DDX10: variants seen among roughly 807,000 people sequenced by gnomAD.
DDX10 encodes the protein probable ATP-dependent RNA helicase DDX10.
In DDX10, 74 loss-of-function variants were observed where a neutral mutation model predicts 104.3. The observed-to-expected ratio is 0.71, with a 90% confidence interval of 0.59 to 0.86. The LOEUF is 0.86. DDX10 is among the 40% of genes least tolerant of loss of function. The pLI, the probability that DDX10 is intolerant of heterozygous loss-of-function variation, is 0.00. For missense variants in DDX10, 952 were observed against 1,040.0 expected (o/e 0.92, Z 1.16); for synonymous variants, 351 against 353.4 (o/e 0.99, Z 0.08).
chr11:108,823,156 C>T (rs1259222397), intron 13 of DDX10, among the ~76,000 whole-genome samples: 1 of 152,178 alleles, frequency 6.6e-6, no homozygotes, highest in Admixed American at 6.5e-5. Flanking sequence ...TTGCACACCA[C>T]AGTTTTACAA....
intron 16 of DDX10, among the ~76,000 whole-genome samples, chr11:108,888,489 T>G (rs1345628555): frequency 6.6e-6 from 1 of 152,184 alleles, no homozygotes; most frequent in Non-Finnish European, 1.5e-5. Flanking sequence ...CATATGCCAT[T>G]TGCTTCCTAT....
chr11:108,676,980 C>CTGCT, intron 3 of DDX10, 105 bp from the exon 4 acceptor site: 2 of 1,020,510 alleles, frequency 2.0e-6, no homozygotes, highest in Non-Finnish European at 2.9e-6. Context: ...AGTGGTATGC[C>CTGCT]TTCTGCTTGG....
chr11:108,906,732 G>A (rs191981407), intron 16 of DDX10, among the ~76,000 whole-genome samples: 1 of 152,142 alleles, frequency 6.6e-6, no homozygotes, highest in Admixed American at 6.5e-5. Context: ...TGATCAATAA[G>A]ATGCACCATT....
At chr11:108,904,218 C>T (rs1378338025) in intron 16 of DDX10, among the ~76,000 whole-genome samples, 1 of 152,028 alleles carries the variant, frequency 6.6e-6, no homozygotes, top group Admixed American at 6.6e-5. Flanking sequence ...TCAACAGAAG[C>T]GACTGAGGCC....
chr11:108,751,504 T>C (rs1298069140), intron 13 of DDX10, among the ~76,000 whole-genome samples: 1 of 152,064 alleles, frequency 6.6e-6, no homozygotes, highest in African/African-American at 2.4e-5. Flanking sequence ...GTGGGAGGGG[T>C]CCATAAATGT....
chr11:108,799,614 G>A (rs928188389), intron 13 of DDX10, among the ~76,000 whole-genome samples: 3 of 152,202 alleles, frequency 2.0e-5, no homozygotes, highest in Non-Finnish European at 2.9e-5. Context: ...AGGGCATTAA[G>A]TGTTCATTTT....
chr11:108,824,664 C>G, intron 13 of DDX10, among the ~76,000 whole-genome samples: 1 of 152,070 alleles, frequency 6.6e-6, no homozygotes, highest in Non-Finnish European at 1.5e-5. Context: ...TGCTTGCTTC[C>G]TAATATAGAA....
intron 10 of DDX10, among the ~76,000 whole-genome samples, chr11:108,707,722 AG>A (rs1450788850): frequency 3.3e-5 from 5 of 152,232 alleles, no homozygotes; most frequent in South Asian, 2.1e-4. Flanking sequence ...GGTTAAAGAT[AG>A]ATCAAGAAGA....
At chr11:108,933,435 A>G (rs186856216) in intron 17 of DDX10, among the ~76,000 whole-genome samples, 37 of 152,316 alleles carry the variant, frequency 2.4e-4, no homozygotes, top group Non-Finnish European at 4.6e-4. Context: ...TATCTTTGTC[A>G]GTACTTCATT....
At chr11:108,730,333 A>G (rs187462529) in intron 13 of DDX10, among the ~76,000 whole-genome samples, 3 of 152,202 alleles carry the variant, frequency 2.0e-5, no homozygotes, top group Non-Finnish European at 4.4e-5. Context: ...AAAGTCTCGT[A>G]GAAAAGTGAC....
chr11:108,914,315 T>C (rs568029192), intron 16 of DDX10, among the ~76,000 whole-genome samples: 1 of 152,280 alleles, frequency 6.6e-6, no homozygotes, highest in East Asian at 1.9e-4. Flanking sequence ...TGTATTCTGC[T>C]CAAAGTGTCA....
chr11:108,856,913 C>G (rs1862878161), intron 16 of DDX10, among the ~76,000 whole-genome samples: 1 of 150,494 alleles, frequency 6.6e-6, no homozygotes. Context: ...CCATTTAGTC[C>G]TCATCCAGAC....
At chr11:108,803,626 A>G (rs1862056925) in intron 13 of DDX10, among the ~76,000 whole-genome samples, 1 of 150,572 alleles carries the variant, frequency 6.6e-6, no homozygotes. Context: ...GTTTTTCCTG[A>G]TCTTTGCTGT....
chr11:108,683,313 TAA>T (rs1433661136), intron 6 of DDX10, among the ~76,000 whole-genome samples: 1 of 152,222 alleles, frequency 6.6e-6, no homozygotes, highest in Non-Finnish European at 1.5e-5. Context: ...TCCTCAAGGG[TAA>T]ATTGTATGAA....
At position 108,719,810 on chromosome 11, in the gene DDX10, A is replaced by G. The variant is rs564517920; in HGVS notation, c.1424A>G (p.Tyr475Cys). Reference protein sequence around the residue: ...KERAQRCFVSYVRSVYLMKDK... With the variant: ...KERAQRCFVSCVRSVYLMKDK... ...CTTAATTTACAGTGTTTCGTCTCCTATGTACGATCTGTATATCTGATGAAG... is the reference window on the plus strand; with the variant it reads ...CTTAATTTACAGTGTTTCGTCTCCTGTGTACGATCTGTATATCTGATGAAG... Residue 475 changes from tyrosine (Y) to cysteine (C), a missense_variant, in exon 12 of 18, where the codon TAT becomes TGT. By Grantham distance (194) the Tyr-to-Cys change is radical. Coordinates refer to ENST00000322536, the MANE Select transcript of DDX10 (RefSeq NM_004398.4). 3.1e-6 allele frequency: 5 copies of G among 1,602,214 alleles called. No homozygotes were observed. The Admixed American group carries it at 5.0e-5, about 16-fold the overall frequency.
intron 13 of DDX10, among the ~76,000 whole-genome samples, chr11:108,780,646 A>C (rs540311369): frequency 5.9e-4 from 90 of 152,210 alleles, no homozygotes; most frequent in Non-Finnish European, 1.1e-3. Flanking sequence ...ATGCTATTTT[A>C]TAACAACACA....
chr11:108,766,258 A>G (rs1430182025), intron 13 of DDX10, among the ~76,000 whole-genome samples: 1 of 152,214 alleles, frequency 6.6e-6, no homozygotes, highest in Non-Finnish European at 1.5e-5. Context: ...TGGTTATACA[A>G]TTCATTTTGT....
intron 13 of DDX10, among the ~76,000 whole-genome samples, chr11:108,786,950 TG>T (rs1861802476): frequency 3.3e-5 from 5 of 152,334 alleles, no homozygotes; most frequent in Admixed American, 2.6e-4. Flanking sequence ...TGTGAGCTAT[TG>T]TGCTTGAGTG....
chr11:108,914,828 T>G (rs1226972769), intron 16 of DDX10, among the ~76,000 whole-genome samples: 1 of 48,100 alleles, frequency 2.1e-5, no homozygotes, highest in Non-Finnish European at 3.7e-5. Flanking sequence ...AGGGAAATGG[T>G]AACCATTAAA....
Sources: allele counts gnomAD v4.1 joint callset (sites outside exome capture counted in the v4.1 genomes callset), GRCh38; gene constraint gnomAD v4.1.1; transcripts MANE v1.5; gene names NCBI Gene and HGNC (gene_info 2026-07-23, HGNC 2026-07-21).